The following GATB variants were observed in gnomAD, a reference collection of about 807,000 sequenced individuals.
GATB encodes glutamyl-tRNA(Gln) amidotransferase subunit B, mitochondrial.
Under a neutral mutation model 62.3 loss-of-function variants are expected in GATB, and 39 were observed. That is an observed-to-expected ratio of 0.63 (90% CI 0.48 to 0.82). The LOEUF is 0.82. GATB is among the 40% of genes least tolerant of loss of function. The probability of loss-of-function intolerance (pLI) is 0.00; values close to 1 mark genes in which losing one functional copy is unlikely to be tolerated. For synonymous variants in GATB, 276 were observed against 258.9 expected (o/e 1.07, Z -0.63); for missense variants, 670 against 684.0 (o/e 0.98, Z 0.23).
rs773361393 is a variant in GATB, at chr4:151,671,136, TTTG to T, written c.*35_*37del. The stretch of plus-strand genomic sequence containing the variant: ...TCCTGTTCCCAGTCAGGCTGCACTG[TTTG>T]TTGTTGTCCCTTGGGCAAGGGGATC... On this transcript the variant is annotated 3_prime_UTR_variant, in exon 13 of 13. Transcript: ENST00000263985. 3.7e-6 allele frequency: 6 copies of T among 1,613,328 alleles called. No homozygotes were observed. Among genetic ancestry groups the T allele is most frequent in the Middle Eastern group, 1.6e-4 (1 of 6,074 alleles).
intron 5 of GATB, among the ~76,000 whole-genome samples, chr4:151,709,346 A>T (rs1738774412): frequency 6.6e-6 from 1 of 152,178 alleles, no homozygotes; most frequent in African/African-American, 2.4e-5. Context: ...CCGTGCTGAC[A>T]GGGAAAAGAT....
intron 2 of GATB, among the ~76,000 whole-genome samples, chr4:151,757,904 A>G (rs1258188131): frequency 6.6e-6 from 1 of 152,174 alleles, no homozygotes; most frequent in African/African-American, 2.4e-5. Context: ...GAAACCCCAA[A>G]CACAGTTGAT....
intron 10 of GATB, chr4:151,686,935 A>G (rs1738263345): frequency 1.3e-5 from 2 of 152,496 alleles, no homozygotes; most frequent in South Asian, 4.2e-4. Context: ...GCTTTTCCCC[A>G]TGCCTGGAAC....
intron 11 of GATB, chr4:151,673,473 A>C (rs1013409135): frequency 1.3e-5 from 2 of 152,366 alleles, no homozygotes; most frequent in Non-Finnish European, 2.9e-5. Flanking sequence ...GAGGCAGGAA[A>C]GTAGCCCCGT....
rs371343864 is a variant in GATB at position 151,688,678 on chromosome 4, T to C, written c.1283A>G (p.Asn428Ser). The C allele has an allele frequency of 3.1e-6, 5 of 1,613,346 alleles. No individual in the cohort carries two copies. In the East Asian group the frequency reaches 8.9e-5, roughly 29 times the overall value. The change falls in exon 10 of 13, where the codon AAC (asparagine) becomes AGC (serine). Residue 428 changes from asparagine (N) to serine (S), a missense_variant. Physicochemically the swap from Asn to Ser is conservative, Grantham distance 46. Transcript: ENST00000263985. ...TTGCTTTAAATAGCCCAGAAAAGTGTTGAGGACCCAACTAGTCACCTTTTT... is the reference window on the plus strand; with the variant it reads ...TTGCTTTAAATAGCCCAGAAAAGTGCTGAGGACCCAACTAGTCACCTTTTT... ...EPKKVTSWVL[N>S]TFLGYLKQQN...
At chr4:151,696,064 A>G (rs1738464926) in intron 9 of GATB, among the ~76,000 whole-genome samples, 1 of 151,000 alleles carries the variant, frequency 6.6e-6, no homozygotes. Context: ...TACAGGTGTG[A>G]GTCACCGTGC....
At chr4:151,720,819 T>C (rs1739017290) in intron 2 of GATB, 1 of 152,228 alleles carries the variant, frequency 6.6e-6, no homozygotes, top group Non-Finnish European at 1.5e-5. Flanking sequence ...AGAACTTCTG[T>C]GGTTCAGGGA....
intron 9 of GATB, among the ~76,000 whole-genome samples, chr4:151,689,558 C>T (rs532428141): frequency 2.0e-5 from 3 of 152,126 alleles, no homozygotes; most frequent in East Asian, 3.9e-4. Flanking sequence ...TCCCTGTTCA[C>T]GATATAGCTA....
At chr4:151,683,471 C>T (rs747611214) in intron 10 of GATB, among the ~76,000 whole-genome samples, 8 of 152,248 alleles carry the variant, frequency 5.3e-5, no homozygotes, top group South Asian at 2.1e-4. Flanking sequence ...CAGGTGGCTC[C>T]GGTGTCCTCT....
At chr4:151,719,996 C>T (rs2126979750) in intron 2 of GATB, 1 of 153,230 alleles carries the variant, frequency 6.5e-6, no homozygotes, top group Non-Finnish European at 1.5e-5. Flanking sequence ...CTGAAAACGA[C>T]AGGGCCGTAG....
At chr4:151,673,862 T>G (rs1457603538) in intron 11 of GATB, 1 of 152,178 alleles carries the variant, frequency 6.6e-6, no homozygotes, top group Non-Finnish European at 1.5e-5. Flanking sequence ...GTTACCTTGG[T>G]GGCCGAGAAC....
rs750409466 is a variant in GATB at position 151,719,391 on chromosome 4, A to T, written c.441+34T>A. ...CAGCAGGGCTGGCCCAGCTCTGAGA[A>T]CTTGCAGTGGGGTGGATCACAAAGT... On this transcript the variant is annotated intron_variant, in intron 3 of 12. Coordinates refer to ENST00000263985, the MANE Select transcript of GATB (RefSeq NM_004564.3). 5 of 1,482,330 alleles carry T rather than the reference A, an allele frequency of 3.4e-6. No homozygotes were observed. The South Asian group carries it at 5.7e-5, about 17-fold the overall frequency. 91.8% of individuals were successfully genotyped at this position (1,482,330 alleles called of 1,614,324 possible). A position where few individuals can be genotyped will look rare whatever the true frequency, so the allele number is the denominator to read the frequency against.
chr4:151,679,952 G>C (rs1018470540), intron 10 of GATB, 61 bp from the exon 11 acceptor site: 2 of 1,463,848 alleles, frequency 1.4e-6, no homozygotes, highest in Non-Finnish European at 9.6e-7. Context: ...ATCCATGAAT[G>C]GCTGTTCGGA....
chr4:151,732,183 G>C (rs1739280854), intron 2 of GATB, among the ~76,000 whole-genome samples: 2 of 151,580 alleles, frequency 1.3e-5, no homozygotes, highest in African/African-American at 4.9e-5. Flanking sequence ...GGGAAGTGAG[G>C]AGCCCCTCTG....
intron 2 of GATB, among the ~76,000 whole-genome samples, chr4:151,740,857 G>A (rs1176511559): frequency 6.6e-6 from 1 of 152,106 alleles, no homozygotes; most frequent in African/African-American, 2.4e-5. Context: ...CCAGAACAAA[G>A]CCTGTATGAA....
chr4:151,753,169 C>A (rs1739752533), intron 2 of GATB, among the ~76,000 whole-genome samples: 2 of 152,102 alleles, frequency 1.3e-5, no homozygotes, highest in African/African-American at 4.8e-5. Context: ...TGACTGGTGG[C>A]CTCAGGGAAA....
At chr4:151,721,237 CA>C (rs904687862) in intron 2 of GATB, 1 of 151,010 alleles carries the variant, frequency 6.6e-6, no homozygotes, top group Non-Finnish European at 1.5e-5. Context: ...GACTCCATCT[CA>C]AAAAAAAGGA....
intron 6 of GATB, among the ~76,000 whole-genome samples, chr4:151,706,926 G>C (rs1337398446): frequency 1.3e-5 from 2 of 152,150 alleles, no homozygotes; most frequent in Non-Finnish European, 2.9e-5. Flanking sequence ...AGTCCTCTGA[G>C]GTCCTCCCCT....
intron 5 of GATB, among the ~76,000 whole-genome samples, chr4:151,712,883 G>A (rs1738846019): frequency 6.6e-6 from 1 of 152,094 alleles, no homozygotes; most frequent in Non-Finnish European, 1.5e-5. Context: ...CCCCAACCCG[G>A]GGGCCATGGA....
Sources: allele counts gnomAD v4.1 joint callset (sites outside exome capture counted in the v4.1 genomes callset), GRCh38; gene constraint gnomAD v4.1.1; transcripts MANE v1.5; gene names NCBI Gene and HGNC (gene_info 2026-07-23, HGNC 2026-07-21).